Variants in NCOA5 observed in about 807,000 individuals in gnomAD.
NCOA5 encodes nuclear receptor coactivator 5.
NCOA5 carries 12 observed loss-of-function variants against 59.0 expected under a neutral mutation model. The observed-to-expected ratio is 0.20, with a 90% CI of 0.13 to 0.33. NCOA5 has a LOEUF of 0.33. Ranked by LOEUF, NCOA5 falls within the 10% of genes least tolerant of loss-of-function variation. The probability of loss-of-function intolerance (pLI) is 1.00; values close to 1 mark genes in which losing one functional copy is unlikely to be tolerated. For synonymous variants in NCOA5, 270 were observed against 275.5 expected (o/e 0.98, Z 0.20); for missense variants, 655 against 766.6 (o/e 0.85, Z 1.72).
At chr20:46,080,443 A>C (rs1405478662) in intron 1 of NCOA5, among the ~76,000 whole-genome samples, 2 of 152,206 alleles carry the variant, frequency 1.3e-5, no homozygotes, top group Non-Finnish European at 2.9e-5. Flanking sequence ...TTTCCGTATT[A>C]AACAATTAAT....
intron 1 of NCOA5, among the ~76,000 whole-genome samples, chr20:46,082,579 T>G (rs2085002789): frequency 6.6e-6 from 1 of 152,206 alleles, no homozygotes; most frequent in Admixed American, 6.5e-5. Context: ...AAAAGTCATC[T>G]CTCAGTGTCT....
At chr20:46,067,653 TTTAAAATTAAAAAA>T (rs1485905697) in intron 4 of NCOA5, among the ~76,000 whole-genome samples, 3 of 151,882 alleles carry the variant, frequency 2.0e-5, no homozygotes, top group Admixed American at 2.0e-4. Context: ...AAGTATAAAG[TTTAAAATTAAAAAA>T]TTAAAATTAA....
At chr20:46,082,253 T>C (rs1310487816) in intron 1 of NCOA5, among the ~76,000 whole-genome samples, 1 of 152,128 alleles carries the variant, frequency 6.6e-6, no homozygotes, top group African/African-American at 2.4e-5. Context: ...CAGTATCTAA[T>C]CTATAGTTTT....
chr20:46,069,672 A>T (rs58727166), intron 3 of NCOA5, among the ~76,000 whole-genome samples: 8,312 of 152,036 alleles, frequency 0.055, 763 homozygotes, highest in African/African-American at 0.19. Context: ...TCAAGGCTGC[A>T]GTGAGCTGTG....
chr20:46,082,590 TCTC>T (rs1238713055), intron 1 of NCOA5, among the ~76,000 whole-genome samples: 1 of 152,166 alleles, frequency 6.6e-6, no homozygotes, highest in Non-Finnish European at 1.5e-5. Context: ...CTCAGTGTCT[TCTC>T]CACTTCAGTT....
Position 46,070,372 on chromosome 20 carries a change from T to C in NCOA5, c.203A>G (p.Asp68Gly). 6.2e-7 allele frequency: 1 copy of C among 1,613,414 alleles called. No individual in the cohort carries two copies. Among genetic ancestry groups the C allele is most frequent in the Non-Finnish European group, 8.5e-7 (1 of 1,179,908 alleles). ...RDLRDHRHSR[D>G]LRDHRDSRSV... is the part of the protein sequence containing the mutation. ...CCTGCTGTCTCTGTGATCCCGCAAA[T>C]CTCTACTATGTCTGTGGTCCCGCAA... Residue 68 changes from aspartate (D) to glycine (G), a missense_variant, in exon 3 of 8, where the codon GAT (aspartate) becomes GGT (glycine). This residue lies in a region of NCOA5 where 250 missense variants were observed against 260.1 expected (regional missense o/e 0.96). Coordinates refer to ENST00000290231, the MANE Select transcript of NCOA5 (RefSeq NM_020967.3).
In NCOA5 at chr20:46,070,372, T is replaced by A; in HGVS notation, c.203A>T (p.Asp68Val). ...RDLRDHRHSR[D>V]LRDHRDSRSV... ...CCTGCTGTCTCTGTGATCCCGCAAA[T>A]CTCTACTATGTCTGTGGTCCCGCAA... Residue 68 changes from aspartate to valine, a missense_variant, in exon 3 of 8, where the codon GAT becomes GTT. Asp to Val is a radical substitution (Grantham distance 152). This residue lies in a region of NCOA5 where 250 missense variants were observed against 260.1 expected (regional missense o/e 0.96). Transcript: ENST00000290231. 1 of 1,613,414 alleles carries A rather than the reference T, an allele frequency of 6.2e-7. No homozygotes were observed. The highest frequency in any genetic ancestry group is 8.5e-7 in the Non-Finnish European group (1 of 1,179,908).
intron 6 of NCOA5, among the ~76,000 whole-genome samples, chr20:46,064,555 C>T (rs2084800932): frequency 1.3e-5 from 2 of 152,212 alleles, no homozygotes; most frequent in Non-Finnish European, 2.9e-5. Flanking sequence ...ATTCTCTGTC[C>T]TCCATTAGAA....
chr20:46,070,757 C>G (rs960251574), intron 2 of NCOA5, among the ~76,000 whole-genome samples: 1 of 152,090 alleles, frequency 6.6e-6, no homozygotes, highest in Admixed American at 6.5e-5. Context: ...GAATGCATGA[C>G]CAAAAACTGA....
chr20:46,062,027 CAAA>C lies in NCOA5; in HGVS notation c.*270_*272del. 3.5e-6 allele frequency: 1 copy of C among 283,720 alleles called. No individual in the cohort carries two copies. The highest frequency in any genetic ancestry group is 6.6e-6 in the Non-Finnish European group (1 of 151,176). 17.6% of individuals were successfully genotyped at this position (283,720 alleles called of 1,614,324 possible). ...GAAACAGGGACCGGAGAAACCCCATCAAATACAAGCCCAGACACCTGTACTGCC... is the reference window on the plus strand; with the variant it reads ...GAAACAGGGACCGGAGAAACCCCATCTACAAGCCCAGACACCTGTACTGCC... On this transcript the variant is annotated 3_prime_UTR_variant, in exon 8 of 8. Coordinates refer to ENST00000290231, the MANE Select transcript of NCOA5 (RefSeq NM_020967.3).
chr20:46,072,380 G>C (rs2084891635), intron 2 of NCOA5, among the ~76,000 whole-genome samples: 1 of 152,192 alleles, frequency 6.6e-6, no homozygotes, highest in Admixed American at 6.5e-5. Flanking sequence ...CTGGAGTGCA[G>C]TGGCTATTCA....
intron 1 of NCOA5, among the ~76,000 whole-genome samples, chr20:46,086,012 T>C (rs1247345265): frequency 1.3e-5 from 2 of 152,210 alleles, no homozygotes; most frequent in Non-Finnish European, 2.9e-5. Context: ...GGCTCCCATG[T>C]AGCTAGGAAT....
intron 2 of NCOA5, among the ~76,000 whole-genome samples, chr20:46,078,595 TATATC>T (rs1369698614): frequency 6.6e-6 from 1 of 152,244 alleles, no homozygotes; most frequent in Non-Finnish European, 1.5e-5. Context: ...TCGTATGAAA[TATATC>T]ATATCTGTCT....
chr20:46,068,697 C>T (rs1291903446), intron 3 of NCOA5, 59 bp from the exon 4 acceptor site: 7 of 1,538,274 alleles, frequency 4.6e-6, no homozygotes, highest in African/African-American at 1.4e-5. Context: ...GAAAAAGTCA[C>T]CTAGAGAATT....
At chr20:46,080,429 CCT>C (rs1389682078) in intron 1 of NCOA5, among the ~76,000 whole-genome samples, 2 of 152,076 alleles carry the variant, frequency 1.3e-5, no homozygotes, top group Admixed American at 6.5e-5. Context: ...AGTTTGTTCC[CCT>C]TTTTCCGTAT....
Position 46,076,228 on chromosome 20 carries a change from G to A in NCOA5, c.38+3159C>T, listed in dbSNP as rs75296296. ...TGAATGATGCACCCCCTGTGGCTGG[G>A]GGCATACAAAATGATTAGGGCTGCC... On this transcript the variant is annotated intron_variant, in intron 2 of 7. Transcript: ENST00000290231. Among the ~76,000 whole-genome samples, 435 of 152,212 alleles carry A rather than the reference G, an allele frequency of 2.9e-3. 4 individuals carry two copies. The highest frequency in any genetic ancestry group is 0.01 in the Middle Eastern group (3 of 294).
intron 2 of NCOA5, among the ~76,000 whole-genome samples, chr20:46,075,904 T>C (rs2084933276): frequency 6.6e-6 from 1 of 151,982 alleles, no homozygotes; most frequent in Admixed American, 6.6e-5. Context: ...TCATGCAGAG[T>C]TCTGTGCTTG....
chr20:46,065,909 T>G (rs11700057), intron 5 of NCOA5, among the ~76,000 whole-genome samples: 2 of 152,210 alleles, frequency 1.3e-5, no homozygotes, highest in Non-Finnish European at 1.5e-5. Flanking sequence ...TTATGATTAC[T>G]GTGAAGATTA....
intron 1 of NCOA5, among the ~76,000 whole-genome samples, chr20:46,087,162 T>C (rs921987686): frequency 2.0e-5 from 3 of 152,324 alleles, no homozygotes; most frequent in Middle Eastern, 3.4e-3. Flanking sequence ...CTGTATGTTA[T>C]TATCATTACT....
Sources: gnomAD v4.1 joint callset for allele counts (sites outside exome capture counted in the v4.1 genomes callset) on GRCh38, gnomAD v4.1.1 for gene constraint, gnomAD v4.1.1 regional missense constraint, MANE v1.5 for transcripts, NCBI Gene and HGNC (gene_info 2026-07-23, HGNC 2026-07-21) for gene names.